Variants in NPFFR2 observed in about 807,000 individuals in gnomAD.
NPFFR2 encodes G-protein coupled receptor 74.
A neutral mutation model predicts 13.1 loss-of-function variants in NPFFR2; 15 were observed. The ratio of observed to expected loss-of-function variants is 1.15; its 90% CI spans 0.77 to 1.76. The LOEUF (loss-of-function observed/expected upper bound fraction) is 1.76, where lower values mean the gene tolerates loss of function less well. NPFFR2 is among the 40% of genes most tolerant of loss of function. The pLI, the probability that NPFFR2 is intolerant of heterozygous loss-of-function variation, is 0.00. For missense variants in NPFFR2, 572 were observed against 503.5 expected, an observed-to-expected ratio of 1.14 and a Z score of -1.30; for synonymous variants, 190 against 175.7, an observed-to-expected ratio of 1.08 and a Z score of -0.65.
intron 1 of NPFFR2, among the ~76,000 whole-genome samples, chr4:72,122,239 C>G (rs2109828653): frequency 6.6e-6 from 1 of 152,158 alleles, no homozygotes; most frequent in Non-Finnish European, 1.5e-5. Context: ...ACAGGAGCAC[C>G]CAGATTCATA....
chr4:72,078,091 A>G (rs1461840519), intron 1 of NPFFR2, among the ~76,000 whole-genome samples: 1 of 152,046 alleles, frequency 6.6e-6, no homozygotes, highest in African/African-American at 2.4e-5. Context: ...TTGGTGTGCT[A>G]TTTCTTAATG....
chr4:72,066,298 T>A (rs1284501626), intron 1 of NPFFR2, among the ~76,000 whole-genome samples: 2 of 152,100 alleles, frequency 1.3e-5, no homozygotes, highest in Non-Finnish European at 2.9e-5. Context: ...CCTCATGACC[T>A]AATCACCTCT....
Position 72,075,835 on chromosome 4 carries a change from TAG to T in NPFFR2, c.-8+43639_-8+43640del, listed in dbSNP as rs374025146. 5.5e-3 allele frequency among the ~76,000 whole-genome samples: 838 copies of T among 152,214 alleles called. 5 individuals are homozygous for T. The highest frequency in any genetic ancestry group is 0.019 in the African/African-American group (805 of 41,540). On this transcript the variant is annotated intron_variant, in intron 1 of 3. Coordinates refer to ENST00000308744, the MANE Select transcript of NPFFR2 (RefSeq NM_004885.3). ...CAGCTTTGCAAAACAAAAATAGTTT[TAG>T]AGATGAATGGTGGTGATGGTTGCAC... is the stretch of plus-strand genomic sequence containing the variant.
chr4:72,074,200 A>G (rs1720358567), intron 1 of NPFFR2, among the ~76,000 whole-genome samples: 1 of 152,100 alleles, frequency 6.6e-6, no homozygotes, highest in African/African-American at 2.4e-5. Flanking sequence ...ACTAATGACA[A>G]TCCAGGTAAA....
At chr4:72,098,471 G>C (rs1374827760) in intron 1 of NPFFR2, among the ~76,000 whole-genome samples, 1 of 147,314 alleles carries the variant, frequency 6.8e-6, no homozygotes, top group Non-Finnish European at 1.5e-5. Flanking sequence ...AGTTTTTTTT[G>C]TCATTTTTTT....
chr4:72,117,121 T>A (rs540396857), intron 1 of NPFFR2, among the ~76,000 whole-genome samples: 26 of 152,232 alleles, frequency 1.7e-4, no homozygotes, highest in African/African-American at 5.5e-4. Context: ...CTATGCCCTA[T>A]AAAACCTTGC....
At chr4:72,052,486 G>T (rs1719615325) in intron 1 of NPFFR2, among the ~76,000 whole-genome samples, 1 of 151,492 alleles carries the variant, frequency 6.6e-6, no homozygotes, top group Non-Finnish European at 1.5e-5. Flanking sequence ...GGTATTGATG[G>T]GAAGTATCTC....
intron 3 of NPFFR2, among the ~76,000 whole-genome samples, chr4:72,139,827 G>C (rs567574701): frequency 7.9e-5 from 12 of 152,248 alleles, no homozygotes; most frequent in Admixed American, 3.3e-4. Flanking sequence ...AGATGGCATT[G>C]AATCTATAAA....
chr4:72,139,996 G>A, intron 3 of NPFFR2, among the ~76,000 whole-genome samples: 1 of 152,040 alleles, frequency 6.6e-6, no homozygotes, highest in East Asian at 1.9e-4. Context: ...TGGATTCCTA[G>A]GTATTTTATT....
In NPFFR2 at chr4:72,085,274, G is replaced by A. The variant is rs571398793; in HGVS notation, c.-7-43311G>A. 6.6e-5 allele frequency among the ~76,000 whole-genome samples: 10 copies of A among 152,178 alleles called. No homozygotes were observed. In the East Asian group the frequency reaches 1.4e-3, roughly 21 times the overall value. The stretch of plus-strand genomic sequence containing the variant: ...GGAGTTATTGTTTGCTCTCAGTTTC[G>A]TATCTTATATAATAGCAGTGTCAAA... On this transcript the variant is annotated intron_variant, in intron 1 of 3. Transcript: ENST00000308744.
At chr4:72,106,792 T>C (rs1721431287) in intron 1 of NPFFR2, among the ~76,000 whole-genome samples, 1 of 151,960 alleles carries the variant, frequency 6.6e-6, no homozygotes, top group Non-Finnish European at 1.5e-5. Context: ...GCTGAACAAA[T>C]TCATTACTAT....
chr4:72,081,118 C>T (rs1029297921), intron 1 of NPFFR2, among the ~76,000 whole-genome samples: 8 of 152,224 alleles, frequency 5.3e-5, no homozygotes, highest in Admixed American at 3.9e-4. Flanking sequence ...AAACTTCCCT[C>T]TGAAAATTCA....
chr4:72,099,670 T>A (rs993874197), intron 1 of NPFFR2, among the ~76,000 whole-genome samples: 1 of 152,126 alleles, frequency 6.6e-6, no homozygotes. Context: ...GAATCCACCC[T>A]GATGACCCCA....
chr4:72,126,932 T>C (rs1722061003), intron 1 of NPFFR2, among the ~76,000 whole-genome samples: 1 of 152,192 alleles, frequency 6.6e-6, no homozygotes. Flanking sequence ...TTAGTGTGAA[T>C]GCATTATATG....
chr4:72,129,019 T>C, intron 2 of NPFFR2, 100 bp downstream of exon 2: 1 of 944,482 alleles, frequency 1.1e-6, no homozygotes, highest in Non-Finnish European at 1.6e-6. Context: ...TATTTACATA[T>C]ATTTATGGAA....
intron 1 of NPFFR2, among the ~76,000 whole-genome samples, chr4:72,040,695 C>T (rs1331213324): frequency 2.0e-5 from 3 of 151,940 alleles, no homozygotes; most frequent in Non-Finnish European, 4.4e-5. Context: ...ACCAAACGAA[C>T]TGTTTGTCTA....
intron 2 of NPFFR2, 135 bp downstream of exon 2, chr4:72,129,054 G>A (rs973031493): frequency 7.8e-6 from 5 of 639,922 alleles, no homozygotes; most frequent in African/African-American, 7.3e-5. Context: ...CCAGGCACCT[G>A]CCCTCATTGG....
intron 1 of NPFFR2, among the ~76,000 whole-genome samples, chr4:72,104,087 G>T (rs553233132): frequency 1.4e-4 from 22 of 152,112 alleles, no homozygotes; most frequent in Non-Finnish European, 2.6e-4. Context: ...AACATATGGA[G>T]GCAAATGGCA....
intron 1 of NPFFR2, among the ~76,000 whole-genome samples, chr4:72,055,532 A>G (rs1368868605): frequency 6.6e-6 from 1 of 151,980 alleles, no homozygotes; most frequent in African/African-American, 2.4e-5. Flanking sequence ...AATTAGGCCA[A>G]TTAATAACCC....
Sources: gnomAD v4.1 joint callset for allele counts (sites outside exome capture counted in the v4.1 genomes callset) on GRCh38, gnomAD v4.1.1 for gene constraint, MANE v1.5 for transcripts, NCBI Gene and HGNC (gene_info 2026-07-23, HGNC 2026-07-21) for gene names.